The following DBN1 variants were observed in gnomAD, a reference collection of about 807,000 sequenced individuals.
DBN1 encodes the protein drebrin.
Under a neutral mutation model 83.5 loss-of-function variants are expected in DBN1, and 21 were observed. The ratio of observed to expected loss-of-function variants is 0.25; its 90% CI spans 0.18 to 0.36. DBN1 has a LOEUF of 0.36. Among genes scored for constraint, DBN1 ranks in the 10% least tolerant of loss-of-function variants. DBN1 has a pLI of 1.00. For synonymous variants in DBN1, 381 were observed against 384.9 expected, an observed-to-expected ratio of 0.99 and a Z score of 0.12; for missense variants, 874 against 935.7, an observed-to-expected ratio of 0.93 and a Z score of 0.86.
intron 1 of DBN1, among the ~76,000 whole-genome samples, chr5:177,472,625 C>T (rs1757933455): frequency 6.6e-6 from 1 of 152,134 alleles, no homozygotes; most frequent in Non-Finnish European, 1.5e-5. Flanking sequence ...GATCTGTTCA[C>T]CCCTTCAGCC....
intron 8 of DBN1, among the ~76,000 whole-genome samples, chr5:177,463,118 G>A (rs1263260729): frequency 6.6e-6 from 1 of 151,058 alleles, no homozygotes; most frequent in African/African-American, 2.5e-5. Flanking sequence ...CTCACTGCAA[G>A]CTCCGCCTCC....
chr5:177,457,602 T>C (rs1756611952), intron 14 of DBN1, 53 bp downstream of exon 14: 3 of 1,528,030 alleles, frequency 2.0e-6, no homozygotes, highest in Non-Finnish European at 2.7e-6. Context: ...CTACCCACAC[T>C]CAAATCCAGC....
intron 8 of DBN1, among the ~76,000 whole-genome samples, chr5:177,462,052 C>A (rs985951315): frequency 6.6e-6 from 1 of 152,166 alleles, no homozygotes; most frequent in Non-Finnish European, 1.5e-5. Context: ...TTAAGACAGG[C>A]GTGTGCCACC....
chr5:177,468,364 T>G, intron 2 of DBN1, 144 bp from the exon 3 acceptor site: 2 of 681,214 alleles, frequency 2.9e-6, no homozygotes, highest in Non-Finnish European at 5.1e-6. Flanking sequence ...GGTCCCAGTT[T>G]TGTGTTGGTA....
intron 8 of DBN1, among the ~76,000 whole-genome samples, chr5:177,461,159 C>T (rs1170586909): frequency 4.9e-5 from 6 of 123,350 alleles, no homozygotes; most frequent in South Asian, 5.3e-4. Flanking sequence ...AGTGCAGTGG[C>T]GGGATCTCGG....
At chr5:177,469,905 C>A (rs1249218352) in intron 1 of DBN1, among the ~76,000 whole-genome samples, 1 of 152,026 alleles carries the variant, frequency 6.6e-6, no homozygotes, top group Admixed American at 6.5e-5. Context: ...GGTGCCAAGG[C>A]AGGAGGCTGG....
chr5:177,471,077 C>T (rs1309785419), intron 1 of DBN1, among the ~76,000 whole-genome samples: 1 of 152,118 alleles, frequency 6.6e-6, no homozygotes, highest in East Asian at 1.9e-4. Context: ...AGCCATCTAG[C>T]CAGATAAACT....
intron 13 of DBN1, 127 bp from the exon 14 acceptor site, chr5:177,457,884 G>T: frequency 9.4e-7 from 1 of 1,060,106 alleles, no homozygotes; most frequent in Non-Finnish European, 1.4e-6. Flanking sequence ...AAGGATGCCT[G>T]CCTTGGGAAC....
chr5:177,468,213 G>T lies in DBN1; in HGVS notation c.150C>A (p.Gly50=). ...CAAAGTGTCCCGAAAGCTCCTGCAA[G>T]CCCCCTTCTAGGGTAATCAGGAGAG... The part of the protein sequence containing the change: ...DLKLAASGEG[G]LQELSGHFEN... The change falls in exon 3 of 15, where the codon GGC becomes GGA. Residue 50 remains glycine (G), a synonymous_variant. Coordinates refer to ENST00000393565, the MANE Select transcript of DBN1 (RefSeq NM_001363541.2). The T allele has an allele frequency of 6.2e-7, 1 of 1,613,870 alleles. No individual in the cohort carries two copies. Among genetic ancestry groups the T allele is most frequent in the Non-Finnish European group, 8.5e-7 (1 of 1,179,778 alleles).
intron 1 of DBN1, among the ~76,000 whole-genome samples, chr5:177,471,171 G>A (rs1329461535): frequency 1.3e-5 from 2 of 152,078 alleles, no homozygotes; most frequent in East Asian, 1.9e-4. Context: ...TGGGGTGGAG[G>A]GTGAGCTGGA....
chr5:177,458,349 G>A lies in DBN1; in HGVS notation c.1623C>T (p.Ala541=). 1 of 1,613,384 alleles carries A rather than the reference G, an allele frequency of 6.2e-7. No homozygotes were observed. Among genetic ancestry groups the A allele is most frequent in the Middle Eastern group, 1.7e-4 (1 of 6,060 alleles). ...GASTLQGEPR[A]PTPPSGTEVT... Reference sequence around the variant, plus strand: ...CCTCAGTACCCGAGGGTGGCGTGGGGGCCCTGGGCTCACCCTGGAGTGTGG... The same window carrying A: ...CCTCAGTACCCGAGGGTGGCGTGGGAGCCCTGGGCTCACCCTGGAGTGTGG... The change falls in exon 13 of 15, where the codon GCC becomes GCT. Residue 541 remains alanine, a synonymous_variant. Coordinates refer to ENST00000393565, the MANE Select transcript of DBN1 (RefSeq NM_001363541.2).
At position 177,458,665 on chromosome 5, in the gene DBN1, C is replaced by G. The variant is rs1475049344; in HGVS notation, c.1307G>C (p.Arg436Thr). 3 of 1,571,570 alleles carry G rather than the reference C, an allele frequency of 1.9e-6. No individual in the cohort carries two copies. The highest frequency in any genetic ancestry group is 2.6e-6 in the Non-Finnish European group (3 of 1,161,356). The change falls in exon 13 of 15, where the codon AGA (arginine) becomes ACA (threonine). Residue 436 changes from arginine (R) to threonine (T), a missense_variant. By Grantham distance (71) the Arg-to-Thr change is moderately conservative (BLOSUM62 -1). Transcript: ENST00000393565. ...PSPILDSEETRAAAPQAWAGP... is the reference protein window; with the variant it reads ...PSPILDSEETTAAAPQAWAGP... ...GGCCCAGGCCTGAGGGGCTGCTGCT[C>G]TGGTCTCCTCACTGTCTAGGATGGG... is the stretch of plus-strand genomic sequence containing the variant.
intron 11 of DBN1, 127 bp from the exon 12 acceptor site, chr5:177,459,395 C>T (rs1756835921): frequency 4.1e-6 from 6 of 1,449,998 alleles, no homozygotes; most frequent in Non-Finnish European, 5.5e-6. Context: ...TCTCCAGCCC[C>T]ACCAGGGGCC....
Position 177,466,556 on chromosome 5 carries a change from C to T in DBN1, c.771+216G>A, listed in dbSNP as rs554143410. On this transcript the variant is annotated intron_variant, in intron 8 of 14. Transcript: ENST00000393565. This position sits in a 1 kb window ranked among gnomAD's most constrained non-coding sequence, Gnocchi z 4.8. Reference sequence around the variant, plus strand: ...GGAGTTTCTCTTCCAATCTAGAGCACAAGCTTCTCCAAAGTAGTCTTTTTC... The same window carrying T: ...GGAGTTTCTCTTCCAATCTAGAGCATAAGCTTCTCCAAAGTAGTCTTTTTC... Among the ~76,000 whole-genome samples, 1 of 152,298 alleles carries T rather than the reference C, an allele frequency of 6.6e-6. No homozygotes were observed. The highest frequency in any genetic ancestry group is 6.5e-5 in the Admixed American group (1 of 15,308).
At chr5:177,472,907 G>A (rs1757952834) in intron 1 of DBN1, 5 of 915,666 alleles carry the variant, frequency 5.5e-6, no homozygotes, top group African/African-American at 3.6e-5. Flanking sequence ...GCCCCCCGGT[G>A]GGCGGGGCGC....
intron 1 of DBN1, among the ~76,000 whole-genome samples, chr5:177,469,339 A>G (rs1398180796): frequency 2.6e-5 from 4 of 151,786 alleles, no homozygotes; most frequent in Admixed American, 1.3e-4. Flanking sequence ...GGAGGAGGAG[A>G]AGAGAGAACC....
At chr5:177,472,537 A>C in intron 1 of DBN1, 1 of 684,928 alleles carries the variant, frequency 1.5e-6, no homozygotes. Context: ...AGCGGGAGAC[A>C]ACAGCTGGGG....
At chr5:177,459,833 TG>T in intron 10 of DBN1, 93 bp from the exon 11 acceptor site, 1 of 1,312,512 alleles carries the variant, frequency 7.6e-7, no homozygotes, top group South Asian at 1.8e-5. Context: ...CCCCAGGGCC[TG>T]GCCCTGGATG....
intron 1 of DBN1, chr5:177,472,231 C>A (rs372966285): frequency 1.2e-4 from 197 of 1,613,350 alleles, no homozygotes; most frequent in Non-Finnish European, 1.6e-4. Context: ...CCTCCAGAAG[C>A]CCCCAGGTCA....
Sources: allele counts gnomAD v4.1 joint callset (sites outside exome capture counted in the v4.1 genomes callset), GRCh38; gene constraint gnomAD v4.1.1; non-coding constraint Gnocchi (gnomAD v3.1); transcripts MANE v1.5; gene names NCBI Gene and HGNC (gene_info 2026-07-23, HGNC 2026-07-21).